The following SDR42E1 variants were observed in gnomAD, a reference collection of about 807,000 sequenced individuals.
SDR42E1 encodes short chain dehydrogenase/reductase family 42E, member 1, also known as short-chain dehydrogenase/reductase family 42E member 1.
A neutral mutation model predicts 2.6 loss-of-function variants in SDR42E1; 5 were observed. That is an observed-to-expected ratio of 1.94 (90% CI 1.01 to 4.08). The LOEUF (loss-of-function observed/expected upper bound fraction) is 4.08. SDR42E1 is among the 30% of genes most tolerant of loss of function. The pLI, the probability that SDR42E1 is intolerant of heterozygous loss-of-function variation, is 0.00. For synonymous variants in SDR42E1, 231 were observed against 188.3 expected (o/e 1.23, Z -1.86); for missense variants, 596 against 478.6 (o/e 1.25, Z -2.29).
At chr16:82,001,627 G>A (rs1912760896) in intron 1 of SDR42E1, among the ~76,000 whole-genome samples, 1 of 152,080 alleles carries the variant, frequency 6.6e-6, no homozygotes, top group South Asian at 2.1e-4. Context: ...GAGAGGCCAG[G>A]CACGGTGGCT....
intron 1 of SDR42E1, among the ~76,000 whole-genome samples, chr16:82,008,194 C>T (rs1041675178): frequency 2.8e-4 from 43 of 152,328 alleles, no homozygotes; most frequent in Admixed American, 2.5e-3. Flanking sequence ...TCCCCAGCCA[C>T]GTGGAACTGT....
At chr16:82,005,681 G>A (rs193064029) in intron 1 of SDR42E1, among the ~76,000 whole-genome samples, 4 of 152,312 alleles carry the variant, frequency 2.6e-5, no homozygotes, top group African/African-American at 9.6e-5. Context: ...TGGGCACTCA[G>A]ACCTGCCTTT....
At position 81,990,809 on chromosome 16, in the gene SDR42E1, G is replaced by A. The variant is rs1316388407; in HGVS notation, c.*8302C>T. The A allele has an allele frequency of 1.3e-5, 2 of 152,178 alleles. No homozygotes were observed. The highest frequency in any genetic ancestry group is 2.9e-5 in the Non-Finnish European group (2 of 68,044). 9.4% of individuals were successfully genotyped at this position (152,178 alleles called of 1,614,324 possible). A position where few individuals can be genotyped will look rare whatever the true frequency, so the allele number is the denominator to read the frequency against. ...TACCAAATATTTCTTTTCCACTTGG[G>A]CCCAAACTTAAGGTATTTGCTGTGC... On this transcript the variant is annotated 3_prime_UTR_variant, in exon 3 of 3. Transcript: ENST00000328945.
In SDR42E1 at chr16:81,993,761, T is replaced by A. The variant is rs1172374531; in HGVS notation, c.*5350A>T. ...ATGGTTCCTGCTCTCATGGGGCGTT[T>A]ATGTTCTGGGGAGCAAATCACTTCA... On this transcript the variant is annotated 3_prime_UTR_variant, in exon 3 of 3. Coordinates refer to ENST00000328945, the MANE Select transcript of SDR42E1 (RefSeq NM_145168.3). 3 of 152,226 alleles carry A rather than the reference T, an allele frequency of 2.0e-5. No homozygotes were observed. The highest frequency in any genetic ancestry group is 7.2e-5 in the African/African-American group (3 of 41,456). 9.4% of individuals were successfully genotyped at this position (152,226 alleles called of 1,614,324 possible).
At position 82,000,028 on chromosome 16, in the gene SDR42E1, G is replaced by A; in HGVS notation, c.265C>T (p.Gln89Ter). Reference protein sequence around the residue: ...IASYGMSGREQLNRNLIKEVN... With the variant: ...IASYGMSGRE ...TCTTTGATCAGGTTTCGATTGAGTT[G>A]CTCCCGCCCTGACATACCATAAGAG... Residue 89 changes from glutamine to a stop codon, truncating the protein, a stop_gained, in exon 3 of 3, where the codon CAA (glutamine) becomes TAA (stop). Transcript: ENST00000328945. LOFTEE classifies it low-confidence loss of function (END_TRUNC). 6.2e-7 allele frequency: 1 copy of A among 1,614,192 alleles called. No homozygotes were observed. Among genetic ancestry groups the A allele is most frequent in the South Asian group, 1.1e-5 (1 of 91,086 alleles).
intron 1 of SDR42E1, 68 bp from the exon 2 acceptor site, chr16:82,000,952 T>A: frequency 2.7e-6 from 3 of 1,115,884 alleles, no homozygotes; most frequent in Admixed American, 4.3e-5. Flanking sequence ...AATTTTGACC[T>A]AACAAAAACA....
Position 81,997,509 on chromosome 16 carries a change from G to A in SDR42E1, c.*1602C>T, listed in dbSNP as rs1305460149. 1 of 152,248 alleles carries A rather than the reference G, an allele frequency of 6.6e-6. No homozygotes were observed. The highest frequency in any genetic ancestry group is 1.5e-5 in the Non-Finnish European group (1 of 68,066). 9.4% of individuals were successfully genotyped at this position (152,248 alleles called of 1,614,324 possible). Reference sequence around the variant, plus strand: ...TGCTGTCTTGGATGACCTGCTCTGGGGATGAGGATATTCAAGCAGTTCTAG... The same window carrying A: ...TGCTGTCTTGGATGACCTGCTCTGGAGATGAGGATATTCAAGCAGTTCTAG... On this transcript the variant is annotated 3_prime_UTR_variant, in exon 3 of 3. Transcript: ENST00000328945.
intron 1 of SDR42E1, among the ~76,000 whole-genome samples, chr16:82,004,615 C>G (rs1371463343): frequency 2.6e-5 from 4 of 152,226 alleles, no homozygotes; most frequent in African/African-American, 4.8e-5. Flanking sequence ...ATCCTCCTAC[C>G]TCAGCATCCT....
intron 2 of SDR42E1, 47 bp from the exon 3 acceptor site, chr16:82,000,271 T>G (rs930960135): frequency 6.3e-7 from 1 of 1,598,336 alleles, no homozygotes; most frequent in Non-Finnish European, 8.5e-7. Context: ...TCTTAAGCTG[T>G]GCCTAGGGGA....
At chr16:82,010,294 C>T (rs1216263042) in intron 1 of SDR42E1, among the ~76,000 whole-genome samples, 1 of 152,178 alleles carries the variant, frequency 6.6e-6, no homozygotes, top group East Asian at 1.9e-4. Flanking sequence ...AGGTTAGGAA[C>T]CTTGCCCACA....
chr16:82,004,032 C>T (rs189572454), intron 1 of SDR42E1, among the ~76,000 whole-genome samples: 41 of 152,206 alleles, frequency 2.7e-4, no homozygotes, highest in Non-Finnish European at 4.3e-4. Context: ...TAAAAAGTGC[C>T]GGGTTATGAA....
Position 81,999,517 on chromosome 16 carries a change from G to A in SDR42E1, c.776C>T (p.Pro259Leu). The A allele has an allele frequency of 6.2e-7, 1 of 1,614,170 alleles. No individual in the cohort carries two copies. Among genetic ancestry groups the A allele is most frequent in the Non-Finnish European group, 8.5e-7 (1 of 1,180,022 alleles). ...CCGGAAGAACTCAAAGTTGTTCACG[G>A]GTCTGCCATCTGAGATGAAGTAGGG... ...GQPYFISDGRPVNNFEFFRPL... is the reference protein window; with the variant it reads ...GQPYFISDGRLVNNFEFFRPL... The change falls in exon 3 of 3, where the codon CCC becomes CTC. Residue 259 changes from proline to leucine, a missense_variant. By Grantham distance (98) the Pro-to-Leu change is moderately conservative. Coordinates refer to ENST00000328945, the MANE Select transcript of SDR42E1 (RefSeq NM_145168.3).
intron 1 of SDR42E1, among the ~76,000 whole-genome samples, chr16:82,006,768 T>C (rs1186869133): frequency 6.6e-6 from 1 of 152,102 alleles, no homozygotes; most frequent in Non-Finnish European, 1.5e-5. Flanking sequence ...TACTCCAGTC[T>C]AGGCGACAGA....
intron 1 of SDR42E1, among the ~76,000 whole-genome samples, chr16:82,001,953 G>A (rs1597177885): frequency 7.6e-6 from 1 of 131,852 alleles, no homozygotes; most frequent in East Asian, 2.0e-4. Context: ...AAAGGCACTG[G>A]GTGCGTATAC....
At position 81,989,054 on chromosome 16, in the gene SDR42E1, G is replaced by A. The variant is rs964791363; in HGVS notation, c.*10057C>T. 3.9e-5 allele frequency: 6 copies of A among 152,002 alleles called. No individual in the cohort carries two copies. Among genetic ancestry groups the A allele is most frequent in the Admixed American group, 3.9e-4 (6 of 15,260 alleles). The allele number at this position is 152,002 out of a possible 1,614,324, so 9.4% of individuals were successfully genotyped here. A position where few individuals can be genotyped will look rare whatever the true frequency, so the allele number is the denominator to read the frequency against. ...TATAACTATGTGTCTTATATATAGG[G>A]TGATCGTACAATTTATTATACAAAA... On this transcript the variant is annotated 3_prime_UTR_variant, in exon 3 of 3. Coordinates refer to ENST00000328945, the MANE Select transcript of SDR42E1 (RefSeq NM_145168.3).
Position 81,999,768 on chromosome 16 carries a change from G to T in SDR42E1, c.525C>A (p.Asp175Glu). ...TCAGAGCGCAGGTTCTTAAGACACC[G>T]TCGCCTCTGTCCAGGGGTGTAGCAT... ...EANATPLDRGDGVLRTCALRP... is the reference protein window; with the variant it reads ...EANATPLDRGEGVLRTCALRP... The change falls in exon 3 of 3, where the codon GAC (aspartate) becomes GAA (glutamate). Residue 175 changes from aspartate (D) to glutamate (E), a missense_variant. Transcript: ENST00000328945. 1.2e-6 allele frequency: 2 copies of T among 1,614,180 alleles called. No homozygotes were observed. Among genetic ancestry groups the T allele is most frequent in the Non-Finnish European group, 1.7e-6 (2 of 1,180,034 alleles).
intron 1 of SDR42E1, among the ~76,000 whole-genome samples, chr16:82,005,857 T>TA (rs946433043): frequency 1.7e-4 from 25 of 151,316 alleles, no homozygotes; most frequent in South Asian, 1.0e-3. Flanking sequence ...TTACAAACAG[T>TA]AAAAAAAAAT....
intron 1 of SDR42E1, among the ~76,000 whole-genome samples, chr16:82,006,717 C>T (rs1912948790): frequency 6.6e-6 from 1 of 152,144 alleles, no homozygotes; most frequent in Non-Finnish European, 1.5e-5. Flanking sequence ...TTGCTTGAAC[C>T]TGGGAGATGG....
intron 1 of SDR42E1, among the ~76,000 whole-genome samples, chr16:82,005,741 A>G (rs1338948303): frequency 6.6e-6 from 1 of 152,160 alleles, no homozygotes; most frequent in Non-Finnish European, 1.5e-5. Flanking sequence ...TTGTTCAGTA[A>G]TTGCTCTCCC....
Sources: allele counts gnomAD v4.1 joint callset (sites outside exome capture counted in the v4.1 genomes callset), GRCh38; gene constraint gnomAD v4.1.1; transcripts MANE v1.5; gene names NCBI Gene and HGNC (gene_info 2026-07-23, HGNC 2026-07-21).